The following NEGR1 variants were observed in gnomAD, a reference collection of about 807,000 sequenced individuals.
The protein encoded by NEGR1 is neuronal growth regulator 1.
Under a neutral mutation model 40.9 loss-of-function variants are expected in NEGR1, and 10 were observed. That is an observed-to-expected ratio of 0.24 (90% confidence interval 0.15 to 0.42). The LOEUF (loss-of-function observed/expected upper bound fraction) is 0.42. NEGR1 is among the 10% of genes least tolerant of loss of function. The pLI, the probability that NEGR1 is intolerant of heterozygous loss-of-function variation, is 1.00. For missense variants in NEGR1, 352 were observed against 438.9 expected, an observed-to-expected ratio of 0.80 and a Z score of 1.77; for synonymous variants, 185 against 166.8, an observed-to-expected ratio of 1.11 and a Z score of -0.84.
intron 4 of NEGR1, among the ~76,000 whole-genome samples, chr1:71,614,776 C>G (rs1231656692): frequency 6.6e-6 from 1 of 152,010 alleles, no homozygotes; most frequent in East Asian, 1.9e-4. Flanking sequence ...GCCTGAAAAC[C>G]CAGGCGTAAT....
In NEGR1 at chr1:71,879,503, T is replaced by C. The variant is rs566611121; in HGVS notation, c.409+55576A>G. On this transcript the variant is annotated intron_variant, in intron 2 of 6. Coordinates refer to ENST00000357731, the MANE Select transcript of NEGR1 (RefSeq NM_173808.3). ...CCACATATTTTTGGAAATGTGGACT[T>C]TGCTGTTGACCCTACTACTGATAAT... is the stretch of plus-strand genomic sequence containing the variant. Among the ~76,000 whole-genome samples the C allele has an allele frequency of 2.0e-5, 3 of 152,320 alleles. No homozygotes were observed. In the East Asian group the frequency reaches 5.8e-4, roughly 29 times the overall value.
intron 2 of NEGR1, among the ~76,000 whole-genome samples, chr1:71,908,684 C>G (rs1394434747): frequency 6.6e-6 from 1 of 152,230 alleles, no homozygotes; most frequent in African/African-American, 2.4e-5. Context: ...TTGTCCTTAC[C>G]TGTAAACTTA....
intron 2 of NEGR1, among the ~76,000 whole-genome samples, chr1:71,815,093 C>A (rs1450249496): frequency 6.6e-6 from 1 of 152,082 alleles, no homozygotes; most frequent in Non-Finnish European, 1.5e-5. Flanking sequence ...ACCAGATATT[C>A]CAGTATGTTG....
At chr1:71,433,080 A>G (rs1646480111) in intron 6 of NEGR1, among the ~76,000 whole-genome samples, 1 of 152,200 alleles carries the variant, frequency 6.6e-6, no homozygotes, top group Non-Finnish European at 1.5e-5. Context: ...AACGAGTTAT[A>G]AAAGTGCTTG....
At chr1:71,641,914 T>C (rs918853850) in intron 4 of NEGR1, among the ~76,000 whole-genome samples, 14 of 152,018 alleles carry the variant, frequency 9.2e-5, no homozygotes, top group Non-Finnish European at 2.9e-5. Flanking sequence ...TCATTTGGTC[T>C]TCTCTGAAAG....
chr1:71,699,941 C>T (rs924366756), intron 3 of NEGR1, among the ~76,000 whole-genome samples: 1 of 151,852 alleles, frequency 6.6e-6, no homozygotes, highest in Non-Finnish European at 1.5e-5. Context: ...CACCTCCCAC[C>T]ATTTTTCTGA....
At chr1:71,810,052 C>G (rs577183253) in intron 2 of NEGR1, among the ~76,000 whole-genome samples, 2 of 152,238 alleles carry the variant, frequency 1.3e-5, no homozygotes, top group African/African-American at 4.8e-5. Flanking sequence ...GAACCATAAG[C>G]TGCTCATGTT....
At chr1:72,126,337 A>T (rs922570629) in intron 1 of NEGR1, among the ~76,000 whole-genome samples, 1 of 152,166 alleles carries the variant, frequency 6.6e-6, no homozygotes, top group African/African-American at 2.4e-5. Flanking sequence ...AACTTTCTTA[A>T]AAAGTTTTTA....
chr1:71,596,275 A>G (rs1276801901), intron 5 of NEGR1, among the ~76,000 whole-genome samples: 1 of 152,182 alleles, frequency 6.6e-6, no homozygotes, highest in Non-Finnish European at 1.5e-5. Context: ...CACATCGAGA[A>G]CCATAACTCT....
chr1:71,802,381 G>A (rs1657593898), intron 2 of NEGR1, among the ~76,000 whole-genome samples: 1 of 152,132 alleles, frequency 6.6e-6, no homozygotes, highest in African/African-American at 2.4e-5. Flanking sequence ...GCCAGCACAG[G>A]AAAATAGAGC....
chr1:72,002,739 T>C (rs1646568664), intron 1 of NEGR1, among the ~76,000 whole-genome samples: 2 of 152,206 alleles, frequency 1.3e-5, no homozygotes, highest in African/African-American at 4.8e-5. Context: ...TGTTTACTCT[T>C]AAATGTAAAT....
chr1:71,901,140 T>G (rs1025958773), intron 2 of NEGR1, among the ~76,000 whole-genome samples: 3 of 152,154 alleles, frequency 2.0e-5, no homozygotes, highest in African/African-American at 7.2e-5. Flanking sequence ...CATATAGAAG[T>G]GTCAAAAACA....
chr1:71,900,952 A>G (rs1661128158), intron 2 of NEGR1, among the ~76,000 whole-genome samples: 1 of 152,206 alleles, frequency 6.6e-6, no homozygotes, highest in Non-Finnish European at 1.5e-5. Context: ...TCATCATCAT[A>G]CTAAGCAGTG....
intron 1 of NEGR1, among the ~76,000 whole-genome samples, chr1:72,216,592 C>A (rs1366061810): frequency 6.7e-6 from 1 of 149,988 alleles, no homozygotes; most frequent in East Asian, 1.9e-4. Context: ...TAGGATTTAC[C>A]ACATATAAAT....
intron 1 of NEGR1, among the ~76,000 whole-genome samples, chr1:72,028,770 A>T (rs1352725948): frequency 6.6e-6 from 1 of 152,200 alleles, no homozygotes; most frequent in Non-Finnish European, 1.5e-5. Flanking sequence ...ACTTTGTTTC[A>T]TATTCCCACC....
At chr1:71,720,063 T>G (rs2101652253) in intron 3 of NEGR1, among the ~76,000 whole-genome samples, 1 of 152,254 alleles carries the variant, frequency 6.6e-6, no homozygotes. Flanking sequence ...TGTTAGACTA[T>G]TAGGTACTAC....
chr1:71,567,718 C>A (rs899562641), intron 6 of NEGR1, among the ~76,000 whole-genome samples: 4 of 152,076 alleles, frequency 2.6e-5, no homozygotes, highest in African/African-American at 9.7e-5. Flanking sequence ...GTTTGTGTCC[C>A]CCCTCCGCCT....
chr1:72,050,841 A>C (rs1647053048), intron 1 of NEGR1, among the ~76,000 whole-genome samples: 1 of 151,664 alleles, frequency 6.6e-6, no homozygotes, highest in Admixed American at 6.6e-5. Flanking sequence ...AGCTAATGTC[A>C]TGAGGATACA....
At chr1:71,731,517 AATAGAG>A (rs1184263501) in intron 3 of NEGR1, among the ~76,000 whole-genome samples, 4 of 152,242 alleles carry the variant, frequency 2.6e-5, no homozygotes, top group African/African-American at 9.6e-5. Context: ...AACTATTGCT[AATAGAG>A]ATAATTATTT....
Sources: gnomAD v4.1 joint callset for allele counts (sites outside exome capture counted in the v4.1 genomes callset) on GRCh38, gnomAD v4.1.1 for gene constraint, MANE v1.5 for transcripts, NCBI Gene and HGNC (gene_info 2026-07-23, HGNC 2026-07-21) for gene names.